The following NEXMIF variants were observed in gnomAD, a reference collection of about 807,000 sequenced individuals.
NEXMIF encodes neurite extension and migration factor, also known as XLMR protein related to neurite extension.
A neutral mutation model predicts 62.1 loss-of-function variants in NEXMIF; 8 were observed. That is an observed-to-expected ratio of 0.13 (90% CI 0.08 to 0.23). The LOEUF is 0.23. Among genes scored for constraint, NEXMIF ranks in the 10% least tolerant of loss-of-function variants. NEXMIF has a pLI of 1.00. For missense variants in NEXMIF, 976 were observed against 1,113.3 expected (o/e 0.88, Z 1.75); for synonymous variants, 404 against 416.6 (o/e 0.97, Z 0.37).
intron 1 of NEXMIF, among the ~76,000 whole-genome samples, chrX:74,868,629 G>C (rs2080588745): frequency 9.5e-6 from 1 of 105,362 alleles, no homozygotes; most frequent in Admixed American, 1.0e-4. Context: ...CCTGTTGGGG[G>C]GTGGGGGGGA....
intron 1 of NEXMIF, among the ~76,000 whole-genome samples, chrX:74,874,133 G>C (rs1191429758): frequency 1.9e-4 from 21 of 107,957 alleles, no homozygotes; most frequent in Admixed American, 6.1e-4. Flanking sequence ...TAGGTCTAAC[G>C]TTTAAGTCTT....
intron 3 of NEXMIF, 152 bp from the exon 4 acceptor site, chrX:74,739,650 T>C (rs947323634): frequency 3.0e-5 from 12 of 405,873 alleles, no homozygotes; most frequent in Non-Finnish European, 5.1e-5. Context: ...AAAGCCCTCC[T>C]ATTTGCCACA....
intron 1 of NEXMIF, among the ~76,000 whole-genome samples, chrX:74,863,752 C>T (rs2080566723): frequency 8.9e-6 from 1 of 112,216 alleles, no homozygotes; most frequent in Admixed American, 9.4e-5. Context: ...TTCTCCATAA[C>T]TCATTTTATG....
rs1228199830 is a variant in NEXMIF, at chrX:74,740,361, C to G, written c.4196G>C (p.Ser1399Thr). 1.7e-6 allele frequency: 2 copies of G among 1,211,982 alleles called. No homozygotes were observed. The highest frequency in any genetic ancestry group is 3.5e-5 in the African/African-American group (2 of 57,848). ...TATTGCTGTTTTCCCATTGCTTTTG[C>G]TCACACCCTTGATTGACCTGTGATT... ...TKNHRSIKGV[S>T]KSNGKTAIGD... Residue 1399 changes from serine (S) to threonine (T), a missense_variant, in exon 3 of 4, where the codon AGC (serine) becomes ACC (threonine). By Grantham distance (58) the Ser-to-Thr change is moderately conservative (BLOSUM62 1). This residue lies in a region of NEXMIF where 137 missense variants were observed against 128.9 expected (regional missense o/e 1.06). Transcript: ENST00000055682.
At chrX:74,911,464 G>A (rs1400950108) in intron 1 of NEXMIF, among the ~76,000 whole-genome samples, 1 of 111,479 alleles carries the variant, frequency 9.0e-6, no homozygotes, top group Non-Finnish European at 1.9e-5. Flanking sequence ...TGACAAATTG[G>A]GATTTTGCTC....
intron 1 of NEXMIF, among the ~76,000 whole-genome samples, chrX:74,777,427 TTTTC>T (rs1245606068): frequency 8.9e-6 from 1 of 111,934 alleles, no homozygotes; most frequent in Non-Finnish European, 1.9e-5. Flanking sequence ...AACATTCATC[TTTTC>T]TTTGTGTTGG....
chrX:74,872,880 C>T (rs1265607815), intron 1 of NEXMIF, among the ~76,000 whole-genome samples: 1 of 109,480 alleles, frequency 9.1e-6, no homozygotes, highest in African/African-American at 3.3e-5. Flanking sequence ...TACCTGTCAC[C>T]TACTGACACA....
intron 1 of NEXMIF, among the ~76,000 whole-genome samples, chrX:74,870,533 C>A (rs912406689): frequency 9.0e-6 from 1 of 111,524 alleles, no homozygotes; most frequent in Non-Finnish European, 1.9e-5. Flanking sequence ...GAAAGGGTAA[C>A]CCACAGAACA....
intron 1 of NEXMIF, among the ~76,000 whole-genome samples, chrX:74,893,947 T>G (rs142456107): frequency 0.012 from 1,307 of 111,350 alleles, 8 homozygotes; most frequent in Middle Eastern, 0.037. Context: ...CCAAAACAGT[T>G]GACTTTTTGA....
At chrX:74,854,317 GACA>G (rs2080526472) in intron 1 of NEXMIF, among the ~76,000 whole-genome samples, 1 of 112,031 alleles carries the variant, frequency 8.9e-6, no homozygotes, top group African/African-American at 3.2e-5. Context: ...CAGAATGACG[GACA>G]ACAATAATAT....
At chrX:74,916,557 A>C (rs939403511) in intron 1 of NEXMIF, among the ~76,000 whole-genome samples, 2 of 111,703 alleles carry the variant, frequency 1.8e-5, no homozygotes, top group Admixed American at 9.5e-5. Context: ...TAGCACATTC[A>C]GCCCCCTTGC....
At chrX:74,794,695 C>G (rs2080299874) in intron 1 of NEXMIF, among the ~76,000 whole-genome samples, 1 of 111,716 alleles carries the variant, frequency 9.0e-6, no homozygotes, top group Non-Finnish European at 1.9e-5. Flanking sequence ...TTTTTTTAAG[C>G]CCGTCGGAAA....
chrX:74,874,963 T>A (rs1179938440), intron 1 of NEXMIF, among the ~76,000 whole-genome samples: 1 of 110,871 alleles, frequency 9.0e-6, no homozygotes, highest in East Asian at 2.9e-4. Flanking sequence ...ACTTCCTCTT[T>A]TCCTAATTGA....
Position 74,868,982 on chromosome X carries a change from A to G in NEXMIF, c.-48+55901T>C, listed in dbSNP as rs1055261918. ...GAAAATACTTCCAATCTCATTGTAC[A>G]AGGCCAGTATTACCCTGATACCAAA... is the stretch of plus-strand genomic sequence containing the variant. On this transcript the variant is annotated intron_variant, in intron 1 of 3. Coordinates refer to ENST00000055682, the MANE Select transcript of NEXMIF (RefSeq NM_001008537.3). Among the ~76,000 whole-genome samples the G allele has an allele frequency of 2.7e-5, 3 of 110,879 alleles. No homozygotes were observed. The Admixed American group carries it at 2.9e-4, about 11-fold the overall frequency.
intron 1 of NEXMIF, among the ~76,000 whole-genome samples, chrX:74,777,831 T>G (rs2080233014): frequency 1.8e-5 from 2 of 111,392 alleles, no homozygotes; most frequent in African/African-American, 6.5e-5. Flanking sequence ...TTAACTGCCA[T>G]AAGCTTTTTC....
chrX:74,848,083 A>C (rs2147492650), intron 1 of NEXMIF, among the ~76,000 whole-genome samples: 1 of 111,707 alleles, frequency 9.0e-6, no homozygotes, highest in Admixed American at 9.6e-5. Flanking sequence ...ATTCCCATAG[A>C]CAAAAAAATC....
At chrX:74,905,029 C>A (rs886431173) in intron 1 of NEXMIF, among the ~76,000 whole-genome samples, 2 of 111,272 alleles carry the variant, frequency 1.8e-5, no homozygotes, top group African/African-American at 6.5e-5. Context: ...GTTGGATTTT[C>A]CAACTTTCCT....
At chrX:74,855,166 T>C (rs1358752149) in intron 1 of NEXMIF, among the ~76,000 whole-genome samples, 1 of 111,766 alleles carries the variant, frequency 8.9e-6, no homozygotes, top group South Asian at 3.7e-4. Context: ...CTTCAAAATA[T>C]ATTACAAAGC....
intron 1 of NEXMIF, among the ~76,000 whole-genome samples, chrX:74,805,570 T>C (rs913672293): frequency 2.7e-5 from 3 of 112,102 alleles, no homozygotes; most frequent in Non-Finnish European, 5.6e-5. Flanking sequence ...GTCTTAGCCA[T>C]AAATTCTTTG....
Sources: allele counts gnomAD v4.1 joint callset (sites outside exome capture counted in the v4.1 genomes callset), GRCh38; gene constraint gnomAD v4.1.1; regional missense constraint gnomAD v4.1.1; transcripts MANE v1.5; gene names NCBI Gene and HGNC (gene_info 2026-07-23, HGNC 2026-07-21).